Variants in PPP1R12B observed in about 807,000 individuals in gnomAD.
PPP1R12B encodes myosin phosphatase target subunit 2.
PPP1R12B carries 76 observed loss-of-function variants against 126.1 expected under a neutral mutation model. The observed-to-expected ratio is 0.60, with a 90% CI of 0.50 to 0.73. PPP1R12B has a LOEUF of 0.73. Ranked by LOEUF, PPP1R12B falls within the 30% of genes least tolerant of loss-of-function variation. PPP1R12B has a pLI of 0.00. For synonymous variants in PPP1R12B, 356 were observed against 434.7 expected, an observed-to-expected ratio of 0.82 and a Z score of 2.25; for missense variants, 1,052 against 1,205.1, an observed-to-expected ratio of 0.87 and a Z score of 1.88.
At chr1:202,562,307 A>T (rs138519393) in intron 19 of PPP1R12B, among the ~76,000 whole-genome samples, 330 of 152,328 alleles carry the variant, frequency 2.2e-3, no homozygotes, top group Non-Finnish European at 3.8e-3. Flanking sequence ...CCTAAAAGGC[A>T]TACGTAGCAT....
chr1:202,566,741 G>A (rs917324734), intron 21 of PPP1R12B, among the ~76,000 whole-genome samples: 5 of 152,100 alleles, frequency 3.3e-5, no homozygotes, highest in African/African-American at 1.2e-4. Flanking sequence ...CCAAACAGAA[G>A]GTGAAAGCCC....
rs755075420 is a variant in PPP1R12B, at chr1:202,422,614, ACG to A, written c.423-4_423-3del. The A allele has an allele frequency of 5.6e-6, 9 of 1,612,158 alleles. No individual in the cohort carries two copies. Among genetic ancestry groups the A allele is most frequent in the Admixed American group, 3.3e-5 (2 of 59,982 alleles). The stretch of plus-strand genomic sequence containing the variant: ...ATAATATTGATCCTGGATCTTGTCT[ACG>A]CAGGTATTTCATTAATCACGGAGCC... On this transcript the variant is annotated splice_region_variant and splice_polypyrimidine_tract_variant and intron_variant, in intron 2 of 23. Transcript: ENST00000608999.
At chr1:202,394,159 A>G (rs1664554806) in intron 1 of PPP1R12B, among the ~76,000 whole-genome samples, 1 of 152,048 alleles carries the variant, frequency 6.6e-6, no homozygotes, top group Non-Finnish European at 1.5e-5. Context: ...TAACATGGCG[A>G]AACCCCATCT....
intron 1 of PPP1R12B, among the ~76,000 whole-genome samples, chr1:202,386,456 C>G (rs1663152993): frequency 6.6e-6 from 1 of 152,032 alleles, no homozygotes; most frequent in African/African-American, 2.4e-5. Flanking sequence ...CTCAGCCTCC[C>G]AAGTAGCTGG....
intron 18 of PPP1R12B, among the ~76,000 whole-genome samples, chr1:202,534,831 T>G (rs555327066): frequency 1.3e-5 from 2 of 152,124 alleles, no homozygotes; most frequent in Admixed American, 6.5e-5. Context: ...GAAAAGGAGA[T>G]TCTATCATCT....
chr1:202,526,707 A>T (rs1683385122), intron 18 of PPP1R12B, among the ~76,000 whole-genome samples: 1 of 152,238 alleles, frequency 6.6e-6, no homozygotes, highest in African/African-American at 2.4e-5. Context: ...TAGTAGAAAG[A>T]ATAAGCTGGA....
chr1:202,507,593 A>T (rs924440825), intron 18 of PPP1R12B, among the ~76,000 whole-genome samples: 4 of 152,224 alleles, frequency 2.6e-5, no homozygotes, highest in African/African-American at 9.6e-5. Context: ...TTTCTTTTTA[A>T]AAAACGTATT....
At chr1:202,537,379 T>C (rs1441602921) in intron 18 of PPP1R12B, among the ~76,000 whole-genome samples, 2 of 150,756 alleles carry the variant, frequency 1.3e-5, no homozygotes, top group Non-Finnish European at 3.0e-5. Context: ...AAAAAGTAAA[T>C]ACCAGGTGAT....
At chr1:202,462,580 G>T (rs558639825) in intron 13 of PPP1R12B, among the ~76,000 whole-genome samples, 25 of 152,162 alleles carry the variant, frequency 1.6e-4, no homozygotes, top group Non-Finnish European at 3.1e-4. Flanking sequence ...GCTACTAAAA[G>T]CCCTTATCAG....
At chr1:202,478,404 A>G (rs1213549606) in intron 13 of PPP1R12B, among the ~76,000 whole-genome samples, 1 of 152,234 alleles carries the variant, frequency 6.6e-6, no homozygotes, top group African/African-American at 2.4e-5. Context: ...AGTTAGGCAC[A>G]TTACTTCTGT....
intron 8 of PPP1R12B, among the ~76,000 whole-genome samples, chr1:202,433,935 C>T (rs1458710876): frequency 2.6e-5 from 4 of 152,168 alleles, no homozygotes; most frequent in Non-Finnish European, 2.9e-5. Flanking sequence ...CAGGCATTCA[C>T]ATTCATTAAA....
At chr1:202,416,942 C>T (rs1318727801) in intron 2 of PPP1R12B, 25 bp downstream of exon 2, 2 of 1,598,930 alleles carry the variant, frequency 1.3e-6, no homozygotes, top group African/African-American at 1.3e-5. Flanking sequence ...GTGTGTGTGG[C>T]TTTGTAGTAT....
intron 13 of PPP1R12B, among the ~76,000 whole-genome samples, chr1:202,481,207 C>T (rs865848569): frequency 2.6e-5 from 4 of 152,180 alleles, no homozygotes; most frequent in Non-Finnish European, 5.9e-5. Context: ...GTTCCTAACA[C>T]GCCACAGATC....
In PPP1R12B at chr1:202,425,676, G is replaced by A. The variant is rs759019776; in HGVS notation, c.652G>A (p.Ala218Thr). ...GGATGTGAGGCAGGCTCGCTCAGGG[G>A]CTACAGCCCTTCATGTGGCTGCTGC... ...IEDVRQARSGATALHVAAAKG... is the reference protein window; with the variant it reads ...IEDVRQARSGTTALHVAAAKG... The change falls in exon 4 of 24, where the codon GCT (alanine) becomes ACT (threonine). Residue 218 changes from alanine (A) to threonine (T), a missense_variant. Coordinates refer to ENST00000608999, the MANE Select transcript of PPP1R12B (RefSeq NM_002481.4). 10 of 1,613,818 alleles carry A rather than the reference G, an allele frequency of 6.2e-6. No individual in the cohort carries two copies. The highest frequency in any genetic ancestry group is 3.3e-5 in the Admixed American group (2 of 59,992).
Position 202,564,498 on chromosome 1 carries a change from C to T in PPP1R12B, c.2708C>T (p.Ala903Val), listed in dbSNP as rs755805353. 3.7e-6 allele frequency: 6 copies of T among 1,612,736 alleles called. No individual in the cohort carries two copies. Among genetic ancestry groups the T allele is most frequent in the Non-Finnish European group, 5.1e-6 (6 of 1,179,480 alleles). ...NQKLKTKLQE[A>V]QLELADIKSK... ...AAACTGAAAACAAAACTTCAGGAAG[C>T]CCAGCTAGAGCTAGCAGATATAAAG... The change falls in exon 21 of 24, where the codon GCC becomes GTC. Residue 903 changes from alanine to valine, a missense_variant. Coordinates refer to ENST00000608999, the MANE Select transcript of PPP1R12B (RefSeq NM_002481.4).
intron 9 of PPP1R12B, among the ~76,000 whole-genome samples, chr1:202,435,181 A>G (rs930030169): frequency 6.6e-6 from 1 of 152,150 alleles, no homozygotes; most frequent in African/African-American, 2.4e-5. Context: ...CTTATCTCCA[A>G]ATATAGTCAC....
intron 18 of PPP1R12B, among the ~76,000 whole-genome samples, chr1:202,545,032 G>A (rs1157641907): frequency 3.3e-5 from 5 of 152,222 alleles, no homozygotes; most frequent in South Asian, 2.1e-4. Context: ...GCATATTATC[G>A]TATCCTCTAT....
rs193003985 is a variant in PPP1R12B, at chr1:202,475,813, C to G, written c.1851-12720C>G. On this transcript the variant is annotated intron_variant, in intron 13 of 23. Coordinates refer to ENST00000608999, the MANE Select transcript of PPP1R12B (RefSeq NM_002481.4). ...TAAGTCTGTCCCCCTGCCCCGGCCC[C>G]CAGTAGCTATCCATATGTACTTCCA... is the stretch of plus-strand genomic sequence containing the variant. Among the ~76,000 whole-genome samples, 182 of 152,166 alleles carry G rather than the reference C, an allele frequency of 1.2e-3. 1 individual carries two copies. Among genetic ancestry groups the G allele is most frequent in the Non-Finnish European group, 2.0e-3 (133 of 68,020 alleles).
chr1:202,385,997 G>T (rs1048778220), intron 1 of PPP1R12B, among the ~76,000 whole-genome samples: 2 of 148,456 alleles, frequency 1.3e-5, no homozygotes, highest in Non-Finnish European at 3.0e-5. Context: ...GCAGTGGCAC[G>T]ATCTTGGCTC....
Sources: allele counts gnomAD v4.1 joint callset (sites outside exome capture counted in the v4.1 genomes callset), GRCh38; gene constraint gnomAD v4.1.1; transcripts MANE v1.5; gene names NCBI Gene and HGNC (gene_info 2026-07-23, HGNC 2026-07-21).